The following KDM5A variants were observed in gnomAD, a reference collection of about 807,000 sequenced individuals.
KDM5A encodes lysine demethylase 5A.
In KDM5A, 42 loss-of-function variants were observed where a neutral mutation model predicts 193.5. The observed-to-expected ratio is 0.22, with a 90% CI of 0.17 to 0.28. The LOEUF (loss-of-function observed/expected upper bound fraction) is 0.28, where lower values mean the gene tolerates loss of function less well. Ranked by LOEUF, KDM5A falls within the 10% of genes least tolerant of loss-of-function variation. The probability of loss-of-function intolerance (pLI) is 1.00; values close to 1 mark genes in which losing one functional copy is unlikely to be tolerated. For missense variants in KDM5A, 1,692 were observed against 2,055.1 expected, an observed-to-expected ratio of 0.82 and a Z score of 3.42; for synonymous variants, 796 against 718.1, an observed-to-expected ratio of 1.11 and a Z score of -1.73.
chr12:333,254 A>G (rs1591917574), intron 12 of KDM5A: 2 of 542,514 alleles, frequency 3.7e-6, no homozygotes, highest in South Asian at 2.0e-5. Context: ...CTTCGTCTCT[A>G]CAAAAAATAC....
intron 12 of KDM5A, chr12:333,209 A>G (rs1943884989): frequency 4.5e-6 from 2 of 440,222 alleles, no homozygotes; most frequent in African/African-American, 2.0e-5. Flanking sequence ...GCTTGAGCTC[A>G]GGAGTTCGAG....
intron 14 of KDM5A, among the ~76,000 whole-genome samples, chr12:327,483 G>GT (rs1269408676): frequency 6.6e-6 from 1 of 152,214 alleles, no homozygotes; most frequent in African/African-American, 2.4e-5. Flanking sequence ...GCCAAGGTGG[G>GT]TGGATCACTT....
At chr12:338,641 C>CAT in intron 10 of KDM5A, among the ~76,000 whole-genome samples, 1 of 152,286 alleles carries the variant, frequency 6.6e-6, no homozygotes, top group East Asian at 1.9e-4. Flanking sequence ...ATACTGTAGT[C>CAT]ATACAACATC....
chr12:318,048 C>T lies in KDM5A; in HGVS notation c.2897+58G>A, dbSNP rs1565531960. The T allele has an allele frequency of 4.7e-6, 6 of 1,271,512 alleles. No homozygotes were observed. The East Asian group carries it at 1.2e-4, about 24-fold the overall frequency. 78.8% of individuals were successfully genotyped at this position (1,271,512 alleles called of 1,614,324 possible). A position where few individuals can be genotyped will look rare whatever the true frequency, so the allele number is the denominator to read the frequency against. The stretch of plus-strand genomic sequence containing the variant: ...GAAATAAGCTTTTAAGTTCCTTCTT[C>T]CCACTCTACCTTCTGACTTAGTTGT... On this transcript the variant is annotated intron_variant, in intron 19 of 27. Coordinates refer to ENST00000399788, the MANE Select transcript of KDM5A (RefSeq NM_001042603.3).
Position 333,602 on chromosome 12 carries a change from T to TG in KDM5A, c.1537dup (p.Gln513ProfsTer15). The TG allele has an allele frequency of 6.2e-7, 1 of 1,614,148 alleles. No individual in the cohort carries two copies. Among genetic ancestry groups the TG allele is most frequent in the South Asian group, 1.1e-5 (1 of 91,082 alleles). On this transcript the variant is annotated frameshift_variant, in exon 12 of 28. Transcript: ENST00000399788. LOFTEE classifies it high-confidence loss of function. ...CAGCTCTCTCATCACCTCCTCCAGTTGCTCTGCAGCATGAGATGGCACACC... is the reference window on the plus strand; with the variant it reads ...CAGCTCTCTCATCACCTCCTCCAGTTGGCTCTGCAGCATGAGATGGCACACC...
At chr12:382,277 C>G (rs1944583691) in intron 3 of KDM5A, among the ~76,000 whole-genome samples, 1 of 151,986 alleles carries the variant, frequency 6.6e-6, no homozygotes, top group Non-Finnish European at 1.5e-5. Context: ...ACTAACAATA[C>G]AAAATTAGCC....
intron 12 of KDM5A, chr12:333,255 C>CA (rs1943885583): frequency 1.8e-6 from 1 of 545,008 alleles, no homozygotes; most frequent in East Asian, 3.3e-5. Flanking sequence ...TTCGTCTCTA[C>CA]AAAAAATACA....
At chr12:320,299 C>G (rs1436683573) in intron 18 of KDM5A, among the ~76,000 whole-genome samples, 1 of 152,132 alleles carries the variant, frequency 6.6e-6, no homozygotes, top group African/African-American at 2.4e-5. Flanking sequence ...GAGTTTGAAA[C>G]CAGCCTGCTA....
rs182805555 is a variant in KDM5A, at chr12:312,166, G to T, written c.3036+890C>A. 2.0e-4 allele frequency among the ~76,000 whole-genome samples: 30 copies of T among 152,240 alleles called. No homozygotes were observed. The East Asian group carries it at 4.8e-3, about 24-fold the overall frequency. ...CTTAACACTGTAAGTGCTGCTTAACGGTTTTTATGATTCGAGTACACTTTT... is the reference window on the plus strand; with the variant it reads ...CTTAACACTGTAAGTGCTGCTTAACTGTTTTTATGATTCGAGTACACTTTT... On this transcript the variant is annotated intron_variant, in intron 20 of 27. Transcript: ENST00000399788.
At chr12:377,195 C>T (rs1944516849) in intron 3 of KDM5A, among the ~76,000 whole-genome samples, 1 of 152,050 alleles carries the variant, frequency 6.6e-6, no homozygotes, top group Non-Finnish European at 1.5e-5. Flanking sequence ...TTACTCTCAG[C>T]AGAGTTTGAA....
intron 27 of KDM5A, among the ~76,000 whole-genome samples, chr12:286,846 T>C (rs1326077439): frequency 2.0e-5 from 3 of 152,188 alleles, no homozygotes; most frequent in Admixed American, 6.6e-5. Flanking sequence ...ATATTCTACT[T>C]GTTTTGTTCC....
intron 14 of KDM5A, among the ~76,000 whole-genome samples, chr12:327,844 CACT>C (rs2137417646): frequency 6.6e-6 from 1 of 152,304 alleles, no homozygotes; most frequent in East Asian, 1.9e-4. Context: ...AAGGCTCCAC[CACT>C]ACGAAAAATT....
intron 4 of KDM5A, among the ~76,000 whole-genome samples, chr12:365,198 G>T (rs549260288): frequency 6.6e-6 from 1 of 151,928 alleles, no homozygotes; most frequent in Non-Finnish European, 1.5e-5. Flanking sequence ...GACCACTGGC[G>T]CACACCACCA....
chr12:377,957 GA>G (rs1261536226), intron 3 of KDM5A, among the ~76,000 whole-genome samples: 1 of 152,154 alleles, frequency 6.6e-6, no homozygotes, highest in Non-Finnish European at 1.5e-5. Context: ...ACTTCTACTG[GA>G]AAGTTTGAAA....
intron 5 of KDM5A, among the ~76,000 whole-genome samples, chr12:362,365 C>A (rs1176462472): frequency 2.0e-5 from 3 of 151,964 alleles, no homozygotes; most frequent in Non-Finnish European, 2.9e-5. Context: ...TAAATTAGGG[C>A]ATTTTTCTTC....
At chr12:316,484 T>C (rs1565531473) in intron 19 of KDM5A, among the ~76,000 whole-genome samples, 3 of 152,138 alleles carry the variant, frequency 2.0e-5, no homozygotes, top group Non-Finnish European at 4.4e-5. Context: ...GAAAGAGAGA[T>C]ATGAAAGACA....
At chr12:322,849 A>G (rs140792146) in intron 16 of KDM5A, among the ~76,000 whole-genome samples, 186 of 152,308 alleles carry the variant, frequency 1.2e-3, no homozygotes, top group African/African-American at 3.8e-3. Flanking sequence ...CCCAACATAC[A>G]TAATAAATTT....
At chr12:292,030 G>A (rs1377866425) in intron 27 of KDM5A, among the ~76,000 whole-genome samples, 1 of 151,254 alleles carries the variant, frequency 6.6e-6, no homozygotes, top group Non-Finnish European at 1.5e-5. Context: ...AACCTCCCAA[G>A]TAGCTGAGAT....
At chr12:330,965 C>G (rs1011099337) in intron 13 of KDM5A, among the ~76,000 whole-genome samples, 1 of 152,066 alleles carries the variant, frequency 6.6e-6, no homozygotes. Flanking sequence ...ATAACAGCCA[C>G]TAAATACTTT....
Sources: allele counts gnomAD v4.1 joint callset (sites outside exome capture counted in the v4.1 genomes callset), GRCh38; gene constraint gnomAD v4.1.1; transcripts MANE v1.5; gene names NCBI Gene and HGNC (gene_info 2026-07-23, HGNC 2026-07-21).